The following SPAST variants were observed in gnomAD, a reference collection of about 807,000 sequenced individuals.
The protein encoded by SPAST is spastic paraplegia 4 (autosomal dominant; spastin).
SPAST carries 30 observed loss-of-function variants against 76.6 expected under a neutral mutation model. The observed-to-expected ratio is 0.39, with a 90% CI of 0.29 to 0.53. SPAST has a LOEUF of 0.53. SPAST is among the 20% of genes least tolerant of loss of function. The pLI is 0.68. For synonymous variants in SPAST, 305 were observed against 281.0 expected, an observed-to-expected ratio of 1.09 and a Z score of -0.86; for missense variants, 717 against 770.5, an observed-to-expected ratio of 0.93 and a Z score of 0.82.
intron 1 of SPAST, among the ~76,000 whole-genome samples, chr2:32,078,103 G>T (rs567725215): frequency 4.0e-5 from 6 of 151,732 alleles, no homozygotes; most frequent in African/African-American, 9.7e-5. Context: ...CCATTCTCCT[G>T]CCTCAGCCTC....
chr2:32,114,583 C>G (rs1678750187), intron 4 of SPAST, 55 bp from the exon 5 acceptor site: 1 of 1,380,644 alleles, frequency 7.2e-7, no homozygotes, highest in African/African-American at 1.4e-5. Flanking sequence ...GTTTGCTTGT[C>G]TTTATGTTCA....
At chr2:32,127,132 ATTGTACACTT>A in intron 8 of SPAST, 110 bp downstream of exon 8, 2 of 797,146 alleles carry the variant, frequency 2.5e-6, no homozygotes, top group Non-Finnish European at 2.2e-6. Flanking sequence ...GCTTTTTGCT[ATTGTACACTT>A]TTGTTTTTTT....
At position 32,154,812 on chromosome 2, in the gene SPAST, TG is replaced by T. The variant is rs1680201088; in HGVS notation, c.*317del. On this transcript the variant is annotated 3_prime_UTR_variant, in exon 17 of 17. Coordinates refer to ENST00000315285, the MANE Select transcript of SPAST (RefSeq NM_014946.4). The stretch of plus-strand genomic sequence containing the variant: ...ATAATGTAAATAATAATTTGTATAT[TG>T]TGTTGCAGATGAAAGTATTCCAGGA... 1 of 284,448 alleles carries T rather than the reference TG, an allele frequency of 3.5e-6. No homozygotes were observed. Among genetic ancestry groups the T allele is most frequent in the African/African-American group, 2.2e-5 (1 of 45,280 alleles). The allele number at this position is 284,448 out of a possible 1,614,324, so 17.6% of individuals were successfully genotyped here. A position where few individuals can be genotyped will look rare whatever the true frequency, so the allele number is the denominator to read the frequency against.
chr2:32,099,690 G>A (rs1413592645), intron 4 of SPAST, among the ~76,000 whole-genome samples: 1 of 151,914 alleles, frequency 6.6e-6, no homozygotes, highest in Non-Finnish European at 1.5e-5. Flanking sequence ...TTTCCTTCTA[G>A]CATTTGAAAT....
chr2:32,121,459 A>G (rs1290102194), intron 7 of SPAST, among the ~76,000 whole-genome samples: 10 of 149,902 alleles, frequency 6.7e-5, no homozygotes, highest in Non-Finnish European at 1.5e-4. Context: ...ACCTTTCTAG[A>G]TATTCATCCT....
intron 4 of SPAST, among the ~76,000 whole-genome samples, chr2:32,100,294 G>T: frequency 6.9e-6 from 1 of 145,868 alleles, no homozygotes; most frequent in South Asian, 2.2e-4. Context: ...CTTTGTTTTT[G>T]ACGGTCCAGC....
chr2:32,142,150 C>T (rs915518055), intron 13 of SPAST, among the ~76,000 whole-genome samples: 1 of 152,128 alleles, frequency 6.6e-6, no homozygotes, highest in African/African-American at 2.4e-5. Flanking sequence ...TGTATGTCCA[C>T]ACAAAGACTT....
At chr2:32,085,983 A>C (rs986291315) in intron 1 of SPAST, among the ~76,000 whole-genome samples, 2 of 151,932 alleles carry the variant, frequency 1.3e-5, no homozygotes, top group Admixed American at 1.3e-4. Context: ...CGGAGGTTGC[A>C]GTGAACCAAG....
chr2:32,090,692 A>T lies in SPAST; in HGVS notation c.586+1087A>T, dbSNP rs1391523910. Among the ~76,000 whole-genome samples the T allele has an allele frequency of 2.0e-5, 3 of 152,028 alleles. 1 individual carries two copies. On this transcript the variant is annotated intron_variant, in intron 3 of 16. Transcript: ENST00000315285. ...GTTCATCTGTTTTTCATTTTCTTCC[A>T]ATTTATTTGTTGATGAAACCAGGTC...
intron 15 of SPAST, among the ~76,000 whole-genome samples, 179 bp downstream of exon 15, chr2:32,145,186 A>G (rs956161377): frequency 4.6e-5 from 7 of 152,100 alleles, no homozygotes; most frequent in African/African-American, 1.7e-4. Flanking sequence ...CGAACCCCCC[A>G]GGCTCAGGTG....
intron 4 of SPAST, among the ~76,000 whole-genome samples, chr2:32,111,921 T>C (rs1319243486): frequency 6.7e-6 from 1 of 149,628 alleles, no homozygotes; most frequent in Non-Finnish European, 1.5e-5. Context: ...GAACTATATA[T>C]TTTTAATATA....
intron 1 of SPAST, among the ~76,000 whole-genome samples, chr2:32,073,640 C>T (rs1335654934): frequency 1.3e-5 from 2 of 152,156 alleles, no homozygotes; most frequent in African/African-American, 4.8e-5. Flanking sequence ...GTTTTCTTCA[C>T]TCTTGACCTA....
At chr2:32,083,404 GT>G (rs1392000013) in intron 1 of SPAST, among the ~76,000 whole-genome samples, 26 of 151,952 alleles carry the variant, frequency 1.7e-4, no homozygotes, top group Admixed American at 1.6e-3. Context: ...CTACCAAACT[GT>G]TTTTCCAACT....
rs145144339 is a variant in SPAST, at chr2:32,118,950, C to T, written c.1098+2738C>T. ...GTGAATTTGAATTTAGGCATATTTT[C>T]ATGGTAGTGACATAATGTGCAATTA... is the stretch of plus-strand genomic sequence containing the variant. On this transcript the variant is annotated intron_variant, in intron 7 of 16. Transcript: ENST00000315285. 1.2e-3 allele frequency among the ~76,000 whole-genome samples: 188 copies of T among 152,260 alleles called. 1 individual carries two copies. The East Asian group carries it at 0.033, about 27-fold the overall frequency.
chr2:32,110,845 T>TC (rs1558320297), intron 4 of SPAST, among the ~76,000 whole-genome samples: 1 of 105,188 alleles, frequency 9.5e-6, no homozygotes, highest in South Asian at 3.9e-4. Flanking sequence ...GTATACTATA[T>TC]AGTATATAGA....
chr2:32,086,227 G>T (rs1224424871), intron 1 of SPAST, among the ~76,000 whole-genome samples: 1 of 152,080 alleles, frequency 6.6e-6, no homozygotes, highest in Non-Finnish European at 1.5e-5. Flanking sequence ...GGAGACCAGG[G>T]CAGGAGGATT....
intron 2 of SPAST, among the ~76,000 whole-genome samples, chr2:32,089,059 T>C (rs549600043): frequency 2.6e-5 from 4 of 152,116 alleles, no homozygotes; most frequent in African/African-American, 9.6e-5. Context: ...TTTTTTTTTA[T>C]AGGTATTATA....
chr2:32,153,268 A>G (rs1156981578), intron 16 of SPAST, among the ~76,000 whole-genome samples: 1 of 151,546 alleles, frequency 6.6e-6, no homozygotes, highest in African/African-American at 2.4e-5. Context: ...GGTATACGCT[A>G]GAAATGATTT....
At position 32,136,631 on chromosome 2, in the gene SPAST, T is replaced by A. The variant is rs1454982466; in HGVS notation, c.1314T>A (p.Ile438=). ...AVARELQPSI[I]FIDEVDSLLC... is the part of the protein sequence containing the mutation. Reference sequence around the variant, plus strand: ...CTCGAGAACTTCAACCTTCTATAATTTTTATAGGTAAGAACATATTTTCCA... The same window carrying A: ...CTCGAGAACTTCAACCTTCTATAATATTTATAGGTAAGAACATATTTTCCA... Residue 438 remains isoleucine, a synonymous_variant, in exon 10 of 17, where the codon ATT becomes ATA. Coordinates refer to ENST00000315285, the MANE Select transcript of SPAST (RefSeq NM_014946.4). 6.2e-7 allele frequency: 1 copy of A among 1,610,906 alleles called. No individual in the cohort carries two copies. Among genetic ancestry groups the A allele is most frequent in the African/African-American group, 1.3e-5 (1 of 74,962 alleles).
Sources: allele counts gnomAD v4.1 joint callset (sites outside exome capture counted in the v4.1 genomes callset), GRCh38; gene constraint gnomAD v4.1.1; transcripts MANE v1.5; gene names NCBI Gene and HGNC (gene_info 2026-07-23, HGNC 2026-07-21).